Variants in KANTR observed in about 807,000 individuals in gnomAD.
The protein encoded by KANTR is KDM5C adjacent transcript.
intron 2 of KANTR, among the ~76,000 whole-genome samples, chrX:53,115,107 G>A (rs1263803496): frequency 8.9e-6 from 1 of 112,417 alleles, no homozygotes; most frequent in Non-Finnish European, 1.9e-5. Flanking sequence ...CAGGCCTAGA[G>A]TCTGTGTCTG....
chrX:53,143,515 A>G (rs782724004), downstream of KANTR: 8 of 606,520 alleles, frequency 1.3e-5, no homozygotes, highest in African/African-American at 1.8e-4. Flanking sequence ...GGATGGCCAC[A>G]TACATGGCTG....
downstream of KANTR, among the ~76,000 whole-genome samples, chrX:53,147,375 C>T (rs1933591770): frequency 9.0e-6 from 1 of 111,393 alleles, no homozygotes; most frequent in South Asian, 3.8e-4. Flanking sequence ...CAAAGAAGGC[C>T]ATTACATAAT....
chrX:53,094,638 A>G (rs1932833875), intron 1 of KANTR: 1 of 111,117 alleles, frequency 9.0e-6, no homozygotes, highest in Non-Finnish European at 1.9e-5. Context: ...TCTCTGTCCC[A>G]CTTTTTGAGA....
In KANTR at chrX:53,124,062, T is replaced by TG; in HGVS notation, c.-211_-210insG. ...ACCAAGTGGAAGAATCTGCCTGCTA[T>TG]TTTTTGTTTGTTTGTTTGTTTTGGC... On this transcript the variant is annotated 5_prime_UTR_variant, in exon 3 of 3. It adds an upstream start codon to the 5' untranslated region. Coordinates refer to ENST00000604062, the Ensembl canonical transcript of KANTR. 5.4e-6 allele frequency: 1 copy of TG among 185,872 alleles called. No individual in the cohort carries two copies. The allele number at this position is 185,872 out of a possible 1,213,427, so 15.3% of individuals were successfully genotyped here. A position where few individuals can be genotyped will look rare whatever the true frequency, so the allele number is the denominator to read the frequency against.
chrX:53,136,257 G>T (rs1217000740), intron 2 of KANTR, among the ~76,000 whole-genome samples: 2 of 111,185 alleles, frequency 1.8e-5, no homozygotes, highest in African/African-American at 6.5e-5. Flanking sequence ...GTTTGTTTGA[G>T]ACGGAGTCTT....
At chrX:53,109,305 G>T (rs1932994737) in intron 2 of KANTR, among the ~76,000 whole-genome samples, 1 of 111,750 alleles carries the variant, frequency 8.9e-6, no homozygotes, top group South Asian at 3.7e-4. Flanking sequence ...GTTTTGAGAT[G>T]GAGTTTCGCT....
downstream of KANTR, among the ~76,000 whole-genome samples, chrX:53,128,540 C>T (rs1807121270): frequency 9.0e-6 from 1 of 111,573 alleles, no homozygotes; most frequent in African/African-American, 3.3e-5. Flanking sequence ...AAATCTTACT[C>T]ATTCTGGATG....
At chrX:53,111,010 A>G (rs1024294703) in intron 2 of KANTR, among the ~76,000 whole-genome samples, 5 of 108,517 alleles carry the variant, frequency 4.6e-5, no homozygotes, top group Admixed American at 4.0e-4. Context: ...TTATTTTATA[A>G]ATTTTATTTA....
intron 3 of KANTR, among the ~76,000 whole-genome samples, chrX:53,147,800 A>T (rs1481433130): frequency 8.9e-6 from 1 of 111,963 alleles, no homozygotes; most frequent in African/African-American, 3.2e-5. Flanking sequence ...ACTAGAACTC[A>T]GGATTAAGAA....
At chrX:53,146,256 A>G (rs1225315534), downstream of KANTR, among the ~76,000 whole-genome samples, 1 of 111,590 alleles carries the variant, frequency 9.0e-6, no homozygotes, top group African/African-American at 3.3e-5. Flanking sequence ...AAAAGATTAG[A>G]CAAATCACTA....
intron 2 of KANTR, among the ~76,000 whole-genome samples, chrX:53,113,931 C>T (rs1933083744): frequency 9.2e-6 from 1 of 109,140 alleles, no homozygotes; most frequent in African/African-American, 3.3e-5. Context: ...CAGAGTCTCA[C>T]TCTGTCACCC....
chrX:53,131,742 C>T (rs1338995035), downstream of KANTR, among the ~76,000 whole-genome samples: 1 of 112,007 alleles, frequency 8.9e-6, no homozygotes, highest in Non-Finnish European at 1.9e-5. Flanking sequence ...ACTCTCACCA[C>T]TTCTATTCAG....
downstream of KANTR, among the ~76,000 whole-genome samples, chrX:53,130,333 G>A (rs1005944221): frequency 8.9e-6 from 1 of 112,218 alleles, no homozygotes; most frequent in Non-Finnish European, 1.9e-5. Flanking sequence ...CCTCTACTGT[G>A]TGCAAACATG....
intron 2 of KANTR, among the ~76,000 whole-genome samples, chrX:53,101,648 C>T (rs782249942): frequency 9.0e-6 from 1 of 111,074 alleles, no homozygotes; most frequent in South Asian, 3.8e-4. Flanking sequence ...AGTTTGCCAT[C>T]TTACATGGGT....
At chrX:53,131,867 G>C (rs1185122640), downstream of KANTR, among the ~76,000 whole-genome samples, 2 of 112,168 alleles carry the variant, frequency 1.8e-5, no homozygotes, top group Non-Finnish European at 3.8e-5. Flanking sequence ...CATCTATATA[G>C]AAAATCCAAC....
chrX:53,146,561 C>T (rs1300061586), downstream of KANTR, among the ~76,000 whole-genome samples: 2 of 112,147 alleles, frequency 1.8e-5, no homozygotes, highest in Non-Finnish European at 3.8e-5. Context: ...TTGGAAAACA[C>T]TCTGCAGGAT....
chrX:53,108,300 C>G (rs1556813189), intron 2 of KANTR, among the ~76,000 whole-genome samples: 1 of 109,346 alleles, frequency 9.1e-6, no homozygotes, highest in Admixed American at 9.8e-5. Flanking sequence ...CTCCCGGGTT[C>G]AAGCAATTCT....
At chrX:53,119,069 C>T (rs1454037820) in intron 2 of KANTR, among the ~76,000 whole-genome samples, 1 of 87,605 alleles carries the variant, frequency 1.1e-5, no homozygotes, top group African/African-American at 4.3e-5. Flanking sequence ...TTTTGTGAGA[C>T]GGGGTCTCAC....
At chrX:53,136,193 ACT>A (rs200776139) in intron 2 of KANTR, among the ~76,000 whole-genome samples, 1,730 of 109,379 alleles carry the variant, frequency 0.016, 33 homozygotes, top group African/African-American at 0.054. Flanking sequence ...ATTCCCTAAA[ACT>A]CTGTTTTCAC....
Sources: gnomAD v4.1 joint callset for allele counts (sites outside exome capture counted in the v4.1 genomes callset) on GRCh38, gnomAD v4.1.1 for gene constraint, MANE v1.5 for transcripts, NCBI Gene and HGNC (gene_info 2026-07-23, HGNC 2026-07-21) for gene names.